Variants in FBXW8 observed in about 807,000 individuals in gnomAD.
FBXW8 encodes F-box/WD repeat-containing protein 8.
A neutral mutation model predicts 65.3 loss-of-function variants in FBXW8; 57 were observed. That is an observed-to-expected ratio of 0.87 (90% CI 0.71 to 1.09). FBXW8 has a LOEUF of 1.09. Ranked by LOEUF, FBXW8 falls within the 50% of genes least tolerant of loss-of-function variation. The probability of loss-of-function intolerance (pLI) is 0.00; values close to 1 mark genes in which losing one functional copy is unlikely to be tolerated. For synonymous variants in FBXW8, 308 were observed against 330.2 expected (o/e 0.93, Z 0.73); for missense variants, 777 against 814.8 (o/e 0.95, Z 0.57).
At chr12:116,959,234 G>T (rs1292676377) in intron 4 of FBXW8, among the ~76,000 whole-genome samples, 1 of 152,222 alleles carries the variant, frequency 6.6e-6, no homozygotes, top group Non-Finnish European at 1.5e-5. Context: ...GAATTGATGG[G>T]TTAGGGTCAG....
At chr12:116,959,776 A>G (rs1883867737) in intron 4 of FBXW8, among the ~76,000 whole-genome samples, 1 of 152,138 alleles carries the variant, frequency 6.6e-6, no homozygotes, top group Admixed American at 6.5e-5. Context: ...CTCTATTCCC[A>G]TTCTTTCAAC....
intron 7 of FBXW8, among the ~76,000 whole-genome samples, chr12:117,000,388 T>C (rs189239411): frequency 6.6e-6 from 1 of 152,360 alleles, no homozygotes; most frequent in Admixed American, 6.5e-5. Flanking sequence ...ACCACTGTCA[T>C]GGCTGAAGTT....
chr12:117,024,355 A>C (rs776011595), intron 9 of FBXW8, 35 bp downstream of exon 9: 1 of 1,611,654 alleles, frequency 6.2e-7, no homozygotes, highest in Non-Finnish European at 8.5e-7. Flanking sequence ...GGGAGTTCCT[A>C]GTAGGAACAG....
intron 7 of FBXW8, among the ~76,000 whole-genome samples, chr12:116,991,042 A>C (rs1953228065): frequency 1.3e-5 from 2 of 152,186 alleles, no homozygotes; most frequent in Admixed American, 6.5e-5. Flanking sequence ...CTGGTGTTTT[A>C]AAATTAGGAG....
intron 1 of FBXW8, among the ~76,000 whole-genome samples, chr12:116,916,352 C>G (rs1033613792): frequency 4.6e-5 from 7 of 152,178 alleles, no homozygotes; most frequent in Admixed American, 2.0e-4. Flanking sequence ...TAGTATTTCA[C>G]TTTCTTCTTT....
At chr12:116,935,109 G>T (rs1435019230) in intron 2 of FBXW8, among the ~76,000 whole-genome samples, 1 of 152,130 alleles carries the variant, frequency 6.6e-6, no homozygotes, top group East Asian at 1.9e-4. Context: ...ATGATGTCAT[G>T]TTTATCAAGT....
Position 116,911,116 on chromosome 12 carries a change from C to T in FBXW8, c.79C>T (p.Arg27Ter). 4.3e-6 allele frequency: 6 copies of T among 1,390,386 alleles called. No individual in the cohort carries two copies. The highest frequency in any genetic ancestry group is 1.7e-5 in the South Asian group (1 of 59,918). 86.1% of individuals were successfully genotyped at this position (1,390,386 alleles called of 1,614,324 possible). Reference protein sequence around the residue: ...LAQAQAPKKRRRPEAAERRAR... With the variant: ...LAQAQAPKKR ...GCAGGCCCAGGCGCCGAAGAAGCGG[C>T]GACGGCCCGAGGCTGCCGAGAGGCG... Residue 27 changes from arginine to a stop codon, truncating the protein, a stop_gained, in exon 1 of 11, where the codon CGA becomes TGA. Transcript: ENST00000652555. LOFTEE classifies it high-confidence loss of function.
intron 5 of FBXW8, among the ~76,000 whole-genome samples, chr12:116,976,958 G>A (rs913959509): frequency 6.6e-6 from 1 of 152,144 alleles, no homozygotes; most frequent in African/African-American, 2.4e-5. Context: ...GTGAGTCTCC[G>A]TCTCTATTGG....
At chr12:116,968,353 T>C (rs961754380) in intron 5 of FBXW8, among the ~76,000 whole-genome samples, 2 of 152,340 alleles carry the variant, frequency 1.3e-5, no homozygotes, top group African/African-American at 4.8e-5. Context: ...GTGTATATTC[T>C]TATTGCCCCC....
Position 116,938,443 on chromosome 12 carries a change from C to T in FBXW8, c.424-6921C>T, listed in dbSNP as rs193189605. Among the ~76,000 whole-genome samples the T allele has an allele frequency of 5.3e-5, 8 of 152,250 alleles. No individual in the cohort carries two copies. The East Asian group carries it at 1.4e-3, about 26-fold the overall frequency. ...CCCGGGGTTAGTGATGTGAATGATG[C>T]ACCACAACATCAATTTTTTGGTCTC... is the stretch of plus-strand genomic sequence containing the variant. On this transcript the variant is annotated intron_variant, in intron 2 of 10. Coordinates refer to ENST00000652555, the MANE Select transcript of FBXW8 (RefSeq NM_153348.3).
chr12:116,960,635 C>A (rs1883925191), intron 4 of FBXW8, among the ~76,000 whole-genome samples: 1 of 152,178 alleles, frequency 6.6e-6, no homozygotes, highest in Non-Finnish European at 1.5e-5. Flanking sequence ...TTTCACTCAT[C>A]ATTACCATTG....
chr12:116,990,086 T>C (rs145835478), intron 7 of FBXW8, among the ~76,000 whole-genome samples: 25 of 152,308 alleles, frequency 1.6e-4, no homozygotes, highest in Middle Eastern at 3.4e-3. Flanking sequence ...CTCATTTATG[T>C]AGGTGTGATT....
chr12:116,968,246 C>T (rs73397454), intron 5 of FBXW8, among the ~76,000 whole-genome samples: 3,623 of 152,198 alleles, frequency 0.024, 147 homozygotes, highest in African/African-American at 0.083. Flanking sequence ...AATCTTGCTG[C>T]CACCCACTTT....
At chr12:117,021,071 G>A (rs577422335) in intron 8 of FBXW8, among the ~76,000 whole-genome samples, 5 of 152,142 alleles carry the variant, frequency 3.3e-5, no homozygotes, top group Non-Finnish European at 5.9e-5. Flanking sequence ...ATTTCTGCTC[G>A]CCTCAGCTGT....
At chr12:117,020,386 G>A (rs1001143315) in intron 8 of FBXW8, among the ~76,000 whole-genome samples, 5 of 152,002 alleles carry the variant, frequency 3.3e-5, no homozygotes, top group African/African-American at 4.8e-5. Context: ...GCATTGAGTC[G>A]GCATGCATGT....
rs139880165 is a variant in FBXW8 at position 117,028,033 on chromosome 12, G to A, written c.1658G>A (p.Arg553Gln). The change falls in exon 11 of 11, where the codon CGG (arginine) becomes CAG (glutamine). Residue 553 changes from arginine (R) to glutamine (Q), a missense_variant. Coordinates refer to ENST00000652555, the MANE Select transcript of FBXW8 (RefSeq NM_153348.3). The surrounding 1 kb of genome is among the most constrained non-coding windows in gnomAD (Gnocchi z 4.1). ...CATCTTTGTGCTCTTTCTAGACACC[G>A]GGGGCTGATCCGCGCCTATGAGTTT... Reference protein sequence around the residue: ...LDSFTTHRRHRGLIRAYEFAV... With the variant: ...LDSFTTHRRHQGLIRAYEFAV... The A allele has an allele frequency of 7.0e-4, 1,132 of 1,613,772 alleles. 1 individual carries two copies. The highest frequency in any genetic ancestry group is 9.3e-4 in the Non-Finnish European group (1,094 of 1,180,002).
intron 2 of FBXW8, among the ~76,000 whole-genome samples, chr12:116,937,484 G>A (rs1320914939): frequency 1.3e-5 from 2 of 152,216 alleles, no homozygotes; most frequent in African/African-American, 4.8e-5. Flanking sequence ...ACCCAGATGT[G>A]TCGTTCCTTG....
rs988860832 is a variant in FBXW8, at chr12:116,945,233, G to C, written c.424-131G>C. 15 of 782,692 alleles carry C rather than the reference G, an allele frequency of 1.9e-5. No individual in the cohort carries two copies. In the Admixed American group the frequency reaches 2.1e-4, roughly 11 times the overall value. The allele number at this position is 782,692 out of a possible 1,614,324, so 48.5% of individuals were successfully genotyped here. The stretch of plus-strand genomic sequence containing the variant: ...CTTGTATTTTTTTTTCCACCTCATA[G>C]TGTTTTGTTAATGAGACATTTTATA... On this transcript the variant is annotated intron_variant, in intron 2 of 10. Coordinates refer to ENST00000652555, the MANE Select transcript of FBXW8 (RefSeq NM_153348.3).
rs1206643019 is a variant in FBXW8 at position 117,029,659 on chromosome 12, GAGTGCAATGGCCTGATCTCGGCTC to G, written c.*1489_*1512del. Reference sequence around the variant, plus strand: ...TCGCTCTGTCACCTAGACTAGACTGGAGTGCAATGGCCTGATCTCGGCTCACTGCAACCTCTGCCTCCCGAGTTC... The same window carrying G: ...TCGCTCTGTCACCTAGACTAGACTGGACTGCAACCTCTGCCTCCCGAGTTC... On this transcript the variant is annotated 3_prime_UTR_variant, in exon 11 of 11. Coordinates refer to ENST00000652555, the MANE Select transcript of FBXW8 (RefSeq NM_153348.3). 5 of 152,192 alleles carry G rather than the reference GAGTGCAATGGCCTGATCTCGGCTC, an allele frequency of 3.3e-5. No homozygotes were observed. The highest frequency in any genetic ancestry group is 1.2e-4 in the African/African-American group (5 of 41,406). 9.4% of individuals were successfully genotyped at this position (152,192 alleles called of 1,614,324 possible). A position where few individuals can be genotyped will look rare whatever the true frequency, so the allele number is the denominator to read the frequency against.
Sources: gnomAD v4.1 joint callset for allele counts (sites outside exome capture counted in the v4.1 genomes callset) on GRCh38, gnomAD v4.1.1 for gene constraint, Gnocchi (gnomAD v3.1) non-coding constraint, MANE v1.5 for transcripts, NCBI Gene and HGNC (gene_info 2026-07-23, HGNC 2026-07-21) for gene names.